PTPRM: variants seen among roughly 807,000 people sequenced by gnomAD.
PTPRM encodes the protein protein tyrosine phosphatase receptor type M, also known as receptor-type tyrosine-protein phosphatase mu.
Under a neutral mutation model 186.7 loss-of-function variants are expected in PTPRM, and 47 were observed. The observed-to-expected ratio is 0.25, with a 90% CI of 0.20 to 0.32. PTPRM has a LOEUF of 0.32. PTPRM is among the 10% of genes least tolerant of loss of function. The pLI, the probability that PTPRM is intolerant of heterozygous loss-of-function variation, is 1.00. For missense variants in PTPRM, 1,494 were observed against 1,865.0 expected (o/e 0.80, Z 3.66); for synonymous variants, 668 against 674.9 (o/e 0.99, Z 0.16).
At chr18:7,859,939 T>C (rs923132073) in intron 2 of PTPRM, among the ~76,000 whole-genome samples, 1 of 152,216 alleles carries the variant, frequency 6.6e-6, no homozygotes, top group Non-Finnish European at 1.5e-5. Context: ...GGCTCCATTT[T>C]CCAGAGAACC....
intron 22 of PTPRM, among the ~76,000 whole-genome samples, chr18:8,327,091 A>G (rs1304845737): frequency 6.6e-6 from 1 of 152,232 alleles, no homozygotes; most frequent in Non-Finnish European, 1.5e-5. Flanking sequence ...CATGTGAACA[A>G]ACTTAAACTG....
intron 1 of PTPRM, among the ~76,000 whole-genome samples, chr18:7,766,385 G>A (rs1344791761): frequency 6.6e-6 from 1 of 152,230 alleles, no homozygotes; most frequent in East Asian, 1.9e-4. Context: ...AGGAATAGTG[G>A]ATGTATGGAG....
intron 1 of PTPRM, among the ~76,000 whole-genome samples, chr18:7,743,931 G>A (rs1231329599): frequency 6.6e-6 from 1 of 151,876 alleles, no homozygotes; most frequent in Non-Finnish European, 1.5e-5. Context: ...CGAAATAACT[G>A]CAAAATTCAT....
intron 2 of PTPRM, among the ~76,000 whole-genome samples, chr18:7,859,648 A>T (rs973813105): frequency 8.5e-5 from 13 of 152,206 alleles, no homozygotes; most frequent in Admixed American, 8.5e-4. Context: ...GGCTTCCAGG[A>T]TGGCTGCCAG....
intron 14 of PTPRM, among the ~76,000 whole-genome samples, chr18:8,232,316 C>T (rs1012077119): frequency 6.6e-6 from 1 of 152,216 alleles, no homozygotes; most frequent in Non-Finnish European, 1.5e-5. Flanking sequence ...GAACAATATT[C>T]CATTGTCTAA....
chr18:7,622,544 C>T (rs979524030), intron 1 of PTPRM, among the ~76,000 whole-genome samples: 2 of 151,992 alleles, frequency 1.3e-5, no homozygotes, highest in Non-Finnish European at 2.9e-5. Context: ...GGAAGGACAC[C>T]CTAGATAAAT....
At chr18:7,839,888 C>T (rs8083298) in intron 2 of PTPRM, among the ~76,000 whole-genome samples, 100,060 of 151,710 alleles carry the variant, frequency 0.66, 33,508 homozygotes, top group East Asian at 0.96. Flanking sequence ...TTCCCCTCTT[C>T]CTAGGGCTGG....
chr18:8,405,556 C>T lies in PTPRM; in HGVS notation c.4345-553C>T, dbSNP rs117897904. ...ACCTCATGTGTTGTCATTGGGTTAC[C>T]TGTCTCATCCTCCTCACTGGATCAC... On this transcript the variant is annotated intron_variant, in intron 32 of 32. Transcript: ENST00000580170. Among the ~76,000 whole-genome samples, 68 of 152,338 alleles carry T rather than the reference C, an allele frequency of 4.5e-4. No homozygotes were observed. The Middle Eastern group carries it at 0.02, about 46-fold the overall frequency.
At chr18:8,264,467 G>C (rs1012958958) in intron 19 of PTPRM, among the ~76,000 whole-genome samples, 1 of 151,810 alleles carries the variant, frequency 6.6e-6, no homozygotes, top group African/African-American at 2.4e-5. Flanking sequence ...TACTATATCG[G>C]CACTGTACAA....
intron 7 of PTPRM, among the ~76,000 whole-genome samples, chr18:7,977,405 G>A (rs746164125): frequency 6.6e-6 from 1 of 151,948 alleles, no homozygotes; most frequent in Non-Finnish European, 1.5e-5. Context: ...GTTGTTTAGA[G>A]GATGTTGGCA....
intron 13 of PTPRM, among the ~76,000 whole-genome samples, chr18:8,125,459 C>T (rs898690732): frequency 1.3e-5 from 2 of 151,996 alleles, no homozygotes; most frequent in Non-Finnish European, 2.9e-5. Context: ...CTTTTAGAAC[C>T]GTACTTCCAA....
At chr18:7,692,572 T>C (rs901634183) in intron 1 of PTPRM, among the ~76,000 whole-genome samples, 126 of 152,206 alleles carry the variant, frequency 8.3e-4, no homozygotes, top group Non-Finnish European at 1.1e-3. Context: ...GCCACCAACA[T>C]TTTTATTTTG....
intron 23 of PTPRM, among the ~76,000 whole-genome samples, chr18:8,355,325 A>G (rs1400943591): frequency 6.6e-6 from 1 of 152,144 alleles, no homozygotes; most frequent in East Asian, 1.9e-4. Flanking sequence ...CCTGGTGCTG[A>G]GTACAGGAGG....
chr18:8,353,513 A>T (rs951230699), intron 23 of PTPRM, among the ~76,000 whole-genome samples: 1 of 152,130 alleles, frequency 6.6e-6, no homozygotes, highest in South Asian at 2.1e-4. Flanking sequence ...AGGAGTATAC[A>T]GTTTGGGTGT....
chr18:8,320,961 C>G (rs923908691), intron 22 of PTPRM, among the ~76,000 whole-genome samples: 1 of 152,134 alleles, frequency 6.6e-6, no homozygotes, highest in African/African-American at 2.4e-5. Context: ...AGCTTGAGCT[C>G]TTACATATGG....
chr18:8,054,428 T>C (rs962907420), intron 7 of PTPRM, among the ~76,000 whole-genome samples: 4 of 151,016 alleles, frequency 2.6e-5, no homozygotes, highest in African/African-American at 9.7e-5. Flanking sequence ...TCTTTTCTTT[T>C]GTTTTTTTCC....
At chr18:7,709,392 G>C (rs1286229288) in intron 1 of PTPRM, among the ~76,000 whole-genome samples, 1 of 151,712 alleles carries the variant, frequency 6.6e-6, no homozygotes, top group African/African-American at 2.4e-5. Flanking sequence ...CAAAACCTCT[G>C]GGATACAGCA....
Position 7,567,934 on chromosome 18 carries a change from G to C in PTPRM, c.73+43G>C. ...TGCCGCCCCCGAGGCGCGCGGGCCG[G>C]CGCGGGACGCCCGGGACGCCGACAG... On this transcript the variant is annotated intron_variant, in intron 1 of 32. Coordinates refer to ENST00000580170, the MANE Select transcript of PTPRM (RefSeq NM_001105244.2). The surrounding 1 kb of genome is among the most constrained non-coding windows in gnomAD (Gnocchi z 4.3). The C allele has an allele frequency of 1.3e-6, 2 of 1,518,172 alleles. No individual in the cohort carries two copies. Among genetic ancestry groups the C allele is most frequent in the Non-Finnish European group, 1.8e-6 (2 of 1,142,828 alleles). The allele number at this position is 1,518,172 out of a possible 1,614,324, so 94.0% of individuals were successfully genotyped here. A position where few individuals can be genotyped will look rare whatever the true frequency, so the allele number is the denominator to read the frequency against.
chr18:8,376,336 C>T, intron 25 of PTPRM, 126 bp from the exon 26 acceptor site: 1 of 1,536,310 alleles, frequency 6.5e-7, no homozygotes, highest in Non-Finnish European at 8.9e-7. Flanking sequence ...CTAAATGCCA[C>T]TGGAGTGTAC....
Sources: allele counts gnomAD v4.1 joint callset (sites outside exome capture counted in the v4.1 genomes callset), GRCh38; gene constraint gnomAD v4.1.1; non-coding constraint Gnocchi (gnomAD v3.1); transcripts MANE v1.5; gene names NCBI Gene and HGNC (gene_info 2026-07-23, HGNC 2026-07-21).